PACS2: variants seen among roughly 807,000 people sequenced by gnomAD.
The protein encoded by PACS2 is phosphofurin acidic cluster sorting protein 2, also known as PACS1-like protein.
A neutral mutation model predicts 113.0 loss-of-function variants in PACS2; 36 were observed. The ratio of observed to expected loss-of-function variants is 0.32; its 90% CI spans 0.24 to 0.42. The LOEUF (loss-of-function observed/expected upper bound fraction) is 0.42, where lower values mean the gene tolerates loss of function less well. Ranked by LOEUF, PACS2 falls within the 10% of genes least tolerant of loss-of-function variation. PACS2 has a pLI of 1.00. For synonymous variants in PACS2, 589 were observed against 536.1 expected, an observed-to-expected ratio of 1.10 and a Z score of -1.36; for missense variants, 1,015 against 1,239.5, an observed-to-expected ratio of 0.82 and a Z score of 2.72.
At chr14:105,362,230 AACAC>A (rs1231955690) in intron 4 of PACS2, among the ~76,000 whole-genome samples, 3 of 150,974 alleles carry the variant, frequency 2.0e-5, no homozygotes, top group South Asian at 2.1e-4. Flanking sequence ...CATCCTGGCT[AACAC>A]AGTGAAACAC....
At position 105,358,216 on chromosome 14, in the gene PACS2, G is replaced by T. The variant is rs375087706; in HGVS notation, c.423+3039G>T. On this transcript the variant is annotated intron_variant, in intron 4 of 24. Transcript: ENST00000447393. This position sits in a 1 kb window ranked among gnomAD's most constrained non-coding sequence, Gnocchi z 4.9. ...GAGTCCAAGGTGGCCCAGGGTAGGG[G>T]CCGGGCCTCATGGGTGCCAGGAGCT... Among the ~76,000 whole-genome samples, 1 of 152,210 alleles carries T rather than the reference G, an allele frequency of 6.6e-6. No individual in the cohort carries two copies. The highest frequency in any genetic ancestry group is 2.4e-5 in the African/African-American group (1 of 41,462).
intron 1 of PACS2, among the ~76,000 whole-genome samples, chr14:105,345,528 G>A (rs1595637284): frequency 6.6e-6 from 1 of 152,252 alleles, no homozygotes; most frequent in South Asian, 2.1e-4. Flanking sequence ...GCAGATTGAC[G>A]TGCTGCGTTT....
chr14:105,316,050 G>A (rs970353059), intron 1 of PACS2, among the ~76,000 whole-genome samples: 2 of 152,204 alleles, frequency 1.3e-5, no homozygotes, highest in African/African-American at 4.8e-5. Context: ...GCTTTCCTGT[G>A]GCTCCCACAG....
intron 22 of PACS2, chr14:105,392,332 C>G: frequency 2.1e-6 from 1 of 473,772 alleles, no homozygotes; most frequent in Non-Finnish European, 3.8e-6. Context: ...GGAGCTGGTT[C>G]GCACGGGCCC....
chr14:105,393,139 GC>G, intron 23 of PACS2, 82 bp from the exon 24 acceptor site: 2 of 1,045,776 alleles, frequency 1.9e-6, no homozygotes, highest in Admixed American at 3.6e-5. Flanking sequence ...AGCCCCCAGT[GC>G]CTCCCCCACA....
At chr14:105,375,295 C>A (rs1183615930) in intron 8 of PACS2, among the ~76,000 whole-genome samples, 1 of 151,982 alleles carries the variant, frequency 6.6e-6, no homozygotes, top group Non-Finnish European at 1.5e-5. Context: ...CTGGCTAACA[C>A]GGTGAAACCC....
chr14:105,347,519 G>A (rs958428324), intron 1 of PACS2, among the ~76,000 whole-genome samples: 6 of 152,212 alleles, frequency 3.9e-5, no homozygotes, highest in Non-Finnish European at 5.9e-5. Context: ...CAGCCCAGGA[G>A]GTGGGTGCCA....
chr14:105,334,675 T>G (rs1216189122), intron 1 of PACS2, among the ~76,000 whole-genome samples: 1 of 151,752 alleles, frequency 6.6e-6, no homozygotes, highest in Non-Finnish European at 1.5e-5. Flanking sequence ...CCAGTGTCTG[T>G]GTAGAGCTCC....
chr14:105,311,685 G>C (rs1473350136), upstream of PACS2, among the ~76,000 whole-genome samples: 4 of 152,148 alleles, frequency 2.6e-5, no homozygotes, highest in African/African-American at 9.7e-5. Context: ...CTCAGCAGTT[G>C]AGCTGCTCTA....
chr14:105,305,379 G>A (rs1034718650), intron 1 of PACS2, among the ~76,000 whole-genome samples: 1 of 152,130 alleles, frequency 6.6e-6, no homozygotes, highest in Non-Finnish European at 1.5e-5. Flanking sequence ...TCCAGCCTGG[G>A]CGACAGATTG....
At chr14:105,383,220 C>A in intron 15 of PACS2, 139 bp from the exon 16 acceptor site, 1 of 975,088 alleles carries the variant, frequency 1.0e-6, no homozygotes, top group Non-Finnish European at 1.6e-6. Context: ...GGGTCCTGGG[C>A]TTGGGCAGCT....
rs587594464 is a variant in PACS2 at position 105,339,887 on chromosome 14, G to A, written c.120-8606G>A. Among the ~76,000 whole-genome samples the A allele has an allele frequency of 2.6e-5, 4 of 152,198 alleles. No homozygotes were observed. In the South Asian group the frequency reaches 8.3e-4, roughly 32 times the overall value. On this transcript the variant is annotated intron_variant, in intron 1 of 24. Coordinates refer to ENST00000447393, the MANE Select transcript of PACS2 (RefSeq NM_001100913.3). ...TCAAACTCCTGACCTCAGGTGATCA[G>A]CCCTCCTCGGCCTCCCGAAGTCCTG...
rs1343666842 is a variant in PACS2, at chr14:105,376,911, C to T, written c.945C>T (p.Pro315=). ...MEDDDSVLST[P]KPKLRPYFEG... is the part of the protein sequence containing the mutation. ...ATGACGACAGCGTCCTCAGCACCCC[C>T]AAGCCGAAGCTGCGGTGAGCCCTAC... is the stretch of plus-strand genomic sequence containing the variant. The change falls in exon 9 of 25, where the codon CCC becomes CCT. Residue 315 remains proline (P), a synonymous_variant. Transcript: ENST00000447393. The surrounding 1 kb of genome is among the most constrained non-coding windows in gnomAD (Gnocchi z 4.7). 32 of 1,609,350 alleles carry T rather than the reference C, an allele frequency of 2.0e-5. No homozygotes were observed. The highest frequency in any genetic ancestry group is 2.6e-5 in the Non-Finnish European group (31 of 1,178,008).
intron 1 of PACS2, among the ~76,000 whole-genome samples, chr14:105,335,124 T>C (rs940024269): frequency 2.6e-5 from 4 of 152,242 alleles, no homozygotes; most frequent in African/African-American, 9.6e-5. Context: ...GGCCGGCAGC[T>C]CCCAGCCTTG....
At chr14:105,369,332 G>C (rs1235933253) in intron 7 of PACS2, among the ~76,000 whole-genome samples, 1 of 152,148 alleles carries the variant, frequency 6.6e-6, no homozygotes. Flanking sequence ...AAGGGAGGGC[G>C]TGGGCTGCCT....
Position 105,367,257 on chromosome 14 carries a change from C to T in PACS2, c.468C>T (p.Cys156=). 2 of 1,613,104 alleles carry T rather than the reference C, an allele frequency of 1.2e-6. No homozygotes were observed. The highest frequency in any genetic ancestry group is 1.7e-6 in the Non-Finnish European group (2 of 1,179,922). Residue 156 remains cysteine, a synonymous_variant, in exon 5 of 25, where the codon TGC becomes TGT. Transcript: ENST00000447393. ...AAGGTGGCCAGGTGCTGAGCCTCTG[C>T]AGCAGCATCAAGGAGGCCCCCGTCA... is the stretch of plus-strand genomic sequence containing the variant. The part of the protein sequence containing the change: ...PSEGGQVLSL[C]SSIKEAPVKA...
intron 7 of PACS2, among the ~76,000 whole-genome samples, chr14:105,368,983 C>A (rs587650526): frequency 1.3e-5 from 2 of 152,372 alleles, no homozygotes; most frequent in South Asian, 4.1e-4. Flanking sequence ...AAAGCTCAGG[C>A]AGCTCTTTCC....
At chr14:105,312,910 T>A (rs1444109284), upstream of PACS2, among the ~76,000 whole-genome samples, 1 of 152,218 alleles carries the variant, frequency 6.6e-6, no homozygotes, top group Non-Finnish European at 1.5e-5. Flanking sequence ...CGGGCCACTC[T>A]GGTACAGACT....
At chr14:105,328,737 C>T (rs907129210) in intron 1 of PACS2, among the ~76,000 whole-genome samples, 1 of 152,164 alleles carries the variant, frequency 6.6e-6, no homozygotes, top group Non-Finnish European at 1.5e-5. Flanking sequence ...ATTAGGATTT[C>T]CAACTAGCTG....
Sources: allele counts gnomAD v4.1 joint callset (sites outside exome capture counted in the v4.1 genomes callset), GRCh38; gene constraint gnomAD v4.1.1; non-coding constraint Gnocchi (gnomAD v3.1); transcripts MANE v1.5; gene names NCBI Gene and HGNC (gene_info 2026-07-23, HGNC 2026-07-21).